Variants in OTUD5 observed in about 807,000 individuals in gnomAD.
OTUD5 encodes the protein OTU deubiquitinase 5.
OTUD5 carries 2 observed loss-of-function variants against 36.3 expected under a neutral mutation model. That is an observed-to-expected ratio of 0.06 (90% confidence interval 0.02 to 0.17). The LOEUF is 0.17. OTUD5 is among the 10% of genes least tolerant of loss of function. OTUD5 has a pLI of 1.00. For synonymous variants in OTUD5, 234 were observed against 214.9 expected (o/e 1.09, Z -0.78); for missense variants, 233 against 512.3 (o/e 0.45, Z 5.26).
At chrX:48,935,570 T>TAG (rs2063816498) in intron 2 of OTUD5, among the ~76,000 whole-genome samples, 1 of 110,630 alleles carries the variant, frequency 9.0e-6, no homozygotes, top group Admixed American at 9.6e-5. Context: ...TGCCAGATAC[T>TAG]AGAGAGTTGA....
In OTUD5 at chrX:48,923,728, G is replaced by A. The variant is rs782320614; in HGVS notation, c.1484C>T (p.Ser495Leu). 2.5e-6 allele frequency: 3 copies of A among 1,205,615 alleles called. No individual in the cohort carries two copies. The highest frequency in any genetic ancestry group is 2.2e-5 in the Admixed American group (1 of 45,768). ...GGAAGTTGCCCGGTCGGCCCCTGCC[G>A]AGAACTGACTGCTTGTACCTGAAGC... Reference protein sequence around the residue: ...PCAPGTSSQFSAGADRATSPL... With the variant: ...PCAPGTSSQFLAGADRATSPL... Residue 495 changes from serine to leucine, a missense_variant, in exon 8 of 9, where the codon TCG becomes TTG. Physicochemically the swap from Ser to Leu is moderately radical, Grantham distance 145. Transcript: ENST00000376488.
intron 2 of OTUD5, among the ~76,000 whole-genome samples, chrX:48,939,400 C>T (rs1192416522): frequency 9.0e-6 from 1 of 111,391 alleles, no homozygotes; most frequent in African/African-American, 3.3e-5. Flanking sequence ...CAATATGAAC[C>T]TTACCCTCCC....
chrX:48,939,465 A>C (rs1387398084), intron 2 of OTUD5, among the ~76,000 whole-genome samples: 2 of 111,784 alleles, frequency 1.8e-5, no homozygotes, highest in Non-Finnish European at 3.8e-5. Context: ...CCAGTATAGA[A>C]ATGCACATGT....
intron 2 of OTUD5, among the ~76,000 whole-genome samples, chrX:48,938,500 C>T (rs782312933): frequency 9.7e-4 from 107 of 110,182 alleles, no homozygotes; most frequent in Middle Eastern, 4.7e-3. Context: ...CAAGACCAGC[C>T]GAGCCAACAT....
At chrX:48,950,527 T>TTC (rs1456130210) in intron 1 of OTUD5, among the ~76,000 whole-genome samples, 5 of 106,557 alleles carry the variant, frequency 4.7e-5, no homozygotes, top group South Asian at 4.2e-4. Context: ...CAGAATAAAC[T>TTC]TCTCTCTCTC....
rs200040194 is a variant in OTUD5, at chrX:48,941,432, C to CAA, written c.688+2756_688+2757dup. Among the ~76,000 whole-genome samples, 30 of 31,940 alleles carry CAA rather than the reference C, an allele frequency of 9.4e-4. 3 individuals carry two copies. Among genetic ancestry groups the CAA allele is most frequent in the African/African-American group, 4.3e-3 (30 of 6,940 alleles). The allele number at this position is 31,940 out of a possible 115,157, so 27.7% of individuals were successfully genotyped here. A position where few individuals can be genotyped will look rare whatever the true frequency, so the allele number is the denominator to read the frequency against. ...TGGGCGACAGAGGGAGACTCCATCT[C>CAA]AAAAAAAAAAAAAAAAAAAAAAAAA... is the stretch of plus-strand genomic sequence containing the variant. On this transcript the variant is annotated intron_variant, in intron 2 of 8. Coordinates refer to ENST00000376488, the MANE Select transcript of OTUD5 (RefSeq NM_001136157.2).
At position 48,922,767 on chromosome X, in the gene OTUD5, G is replaced by A. The variant is rs1183610087; in HGVS notation, c.*407C>T. 5 of 763,566 alleles carry A rather than the reference G, an allele frequency of 6.5e-6. No individual in the cohort carries two copies. In the African/African-American group the frequency reaches 1.1e-4, roughly 18 times the overall value. The allele number at this position is 763,566 out of a possible 1,213,427, so 62.9% of individuals were successfully genotyped here. ...CTGGCATCAGTGTCGGGGGGTGGCG[G>A]CAAGTTTTTCTCATCTTGGAAGGAA... On this transcript the variant is annotated 3_prime_UTR_variant, in exon 9 of 9. Coordinates refer to ENST00000376488, the MANE Select transcript of OTUD5 (RefSeq NM_001136157.2).
intron 1 of OTUD5, among the ~76,000 whole-genome samples, chrX:48,950,929 C>G (rs1033598566): frequency 2.7e-5 from 3 of 110,735 alleles, no homozygotes; most frequent in Non-Finnish European, 5.7e-5. Flanking sequence ...GAAACTAACA[C>G]ACCCCCCTTG....
At chrX:48,925,120 T>C (rs2063644148) in intron 6 of OTUD5, among the ~76,000 whole-genome samples, 1 of 109,228 alleles carries the variant, frequency 9.2e-6, no homozygotes. Flanking sequence ...CTACTAAAAA[T>C]ACAAAAAATT....
chrX:48,928,866 T>C (rs1224319440), intron 5 of OTUD5, among the ~76,000 whole-genome samples: 1 of 105,207 alleles, frequency 9.5e-6, no homozygotes, highest in Non-Finnish European at 1.9e-5. Context: ...GGCTACATAC[T>C]GTATGATTAC....
chrX:48,949,231 A>C (rs1245525709), intron 1 of OTUD5, among the ~76,000 whole-genome samples: 1 of 111,892 alleles, frequency 8.9e-6, no homozygotes, highest in Non-Finnish European at 1.9e-5. Flanking sequence ...ACCCCCCTGG[A>C]ACTTGTAAAT....
At chrX:48,925,146 T>C (rs2063644651) in intron 6 of OTUD5, among the ~76,000 whole-genome samples, 1 of 108,925 alleles carries the variant, frequency 9.2e-6, no homozygotes, top group Non-Finnish European at 1.9e-5. Context: ...GGCGTGGTGG[T>C]GGGCGCCTGT....
At chrX:48,948,228 A>G in intron 1 of OTUD5, among the ~76,000 whole-genome samples, 1 of 112,337 alleles carries the variant, frequency 8.9e-6, no homozygotes, top group East Asian at 2.8e-4. Context: ...GTGTGCCTGT[A>G]ATCCCAGTTA....
chrX:48,936,333 C>T (rs1042925033), intron 2 of OTUD5: 3 of 111,859 alleles, frequency 2.7e-5, no homozygotes, highest in Non-Finnish European at 5.6e-5. Flanking sequence ...CTTCAGGACG[C>T]TCCTTCCATC....
Position 48,957,186 on chromosome X carries a change from C to A in OTUD5, c.385G>T (p.Val129Leu), listed in dbSNP as rs1557055690. Residue 129 changes from valine to leucine, a missense_variant, in exon 1 of 9, where the codon GTG becomes TTG. Coordinates refer to ENST00000376488, the MANE Select transcript of OTUD5 (RefSeq NM_001136157.2). The stretch of plus-strand genomic sequence containing the variant: ...ACGGCACCACCCACACCCACCACCA[C>A]GCCCGCGGCACCCACACCCGCCGCC... Reference protein sequence around the residue: ...AAAAGVGAAGVVVGVGGAVGV... With the variant: ...AAAAGVGAAGLVVGVGGAVGV... 8.9e-7 allele frequency: 1 copy of A among 1,122,440 alleles called. No homozygotes were observed. The highest frequency in any genetic ancestry group is 1.2e-6 in the Non-Finnish European group (1 of 859,958). 92.5% of individuals were successfully genotyped at this position (1,122,440 alleles called of 1,213,427 possible).
intron 1 of OTUD5, among the ~76,000 whole-genome samples, chrX:48,954,335 A>G (rs1557054635): frequency 9.0e-6 from 1 of 110,826 alleles, no homozygotes. Flanking sequence ...TTGAGTTACC[A>G]TGGCAGCATA....
Position 48,925,880 on chromosome X carries a change from C to T in OTUD5, c.1230G>A (p.Glu410=). ...GGCCTCGGACCTGGCGAGCCTGTTTCTCCTGATCCCGCAACCACTGCAGGT... is the reference window on the plus strand; with the variant it reads ...GGCCTCGGACCTGGCGAGCCTGTTTTTCCTGATCCCGCAACCACTGCAGGT... ...ESYLQWLRDQ[E]KQARQVRGPS... Residue 410 remains glutamate, a synonymous_variant, in exon 6 of 9, where the codon GAG becomes GAA. Transcript: ENST00000376488. 1 of 1,211,131 alleles carries T rather than the reference C, an allele frequency of 8.3e-7. No homozygotes were observed. Among genetic ancestry groups the T allele is most frequent in the Non-Finnish European group, 1.1e-6 (1 of 895,189 alleles).
intron 1 of OTUD5, among the ~76,000 whole-genome samples, chrX:48,951,902 A>G (rs2147674657): frequency 9.1e-6 from 1 of 110,468 alleles, no homozygotes; most frequent in African/African-American, 3.3e-5. Context: ...CTAAATATAC[A>G]AAAATTAGCC....
At chrX:48,946,080 G>A (rs782096449) in intron 1 of OTUD5, among the ~76,000 whole-genome samples, 1 of 111,079 alleles carries the variant, frequency 9.0e-6, no homozygotes, top group Admixed American at 9.5e-5. Flanking sequence ...AGACATAGGG[G>A]CCCACCTATC....
Sources: gnomAD v4.1 joint callset for allele counts (sites outside exome capture counted in the v4.1 genomes callset) on GRCh38, gnomAD v4.1.1 for gene constraint, MANE v1.5 for transcripts, NCBI Gene and HGNC (gene_info 2026-07-23, HGNC 2026-07-21) for gene names.